SMG6: variants seen among roughly 807,000 people sequenced by gnomAD.
SMG6 encodes telomerase-binding protein EST1A.
SMG6 carries 66 observed loss-of-function variants against 142.2 expected under a neutral mutation model. That is an observed-to-expected ratio of 0.46 (90% confidence interval 0.38 to 0.57). The LOEUF (loss-of-function observed/expected upper bound fraction) is 0.57, where lower values mean the gene tolerates loss of function less well. SMG6 is among the 20% of genes least tolerant of loss of function. SMG6 has a pLI of 0.00. For synonymous variants in SMG6, 779 were observed against 702.4 expected, an observed-to-expected ratio of 1.11 and a Z score of -1.72; for missense variants, 1,793 against 1,832.0, an observed-to-expected ratio of 0.98 and a Z score of 0.39.
chr17:2,205,183 A>G (rs2072641555), intron 10 of SMG6, among the ~76,000 whole-genome samples: 1 of 151,942 alleles, frequency 6.6e-6, no homozygotes, highest in Non-Finnish European at 1.5e-5. Flanking sequence ...ATTCTCCTGC[A>G]TCAGCCTCCC....
chr17:2,230,693 G>A (rs570148142), intron 10 of SMG6, among the ~76,000 whole-genome samples: 13 of 152,280 alleles, frequency 8.5e-5, no homozygotes, highest in East Asian at 1.9e-4. Flanking sequence ...AGAGTGCCGA[G>A]AGCAGTCTGC....
chr17:2,091,273 C>T (rs753749015), intron 13 of SMG6, among the ~76,000 whole-genome samples: 1 of 152,144 alleles, frequency 6.6e-6, no homozygotes, highest in Non-Finnish European at 1.5e-5. Context: ...TATTCACATT[C>T]CTAGGGGGAG....
intron 8 of SMG6, among the ~76,000 whole-genome samples, chr17:2,277,951 G>A (rs2074698523): frequency 6.6e-6 from 1 of 152,132 alleles, no homozygotes; most frequent in South Asian, 2.1e-4. Flanking sequence ...AGAAGACTAA[G>A]GCAGGAGGAT....
intron 13 of SMG6, chr17:2,087,390 C>T: frequency 3.4e-6 from 4 of 1,187,948 alleles, no homozygotes; most frequent in Non-Finnish European, 4.3e-6. Flanking sequence ...TCTGTGGCTG[C>T]ATCCTCTGCC....
chr17:2,103,749 A>G (rs1315823544), intron 13 of SMG6, among the ~76,000 whole-genome samples: 1 of 152,048 alleles, frequency 6.6e-6, no homozygotes, highest in African/African-American at 2.4e-5. Context: ...TGGAGGGTAT[A>G]AGCCAAACCT....
Position 2,081,777 on chromosome 17 carries a change from T to TA in SMG6, c.3681+32dup, listed in dbSNP as rs1567582160. On this transcript the variant is annotated intron_variant, in intron 15 of 18. Transcript: ENST00000263073. The stretch of plus-strand genomic sequence containing the variant: ...CTCATGCCCTAGACAGCAACCCCCA[T>TA]AGTGGGAACCACGCTCCCCAGGCCG... The TA allele has an allele frequency of 1.9e-6, 3 of 1,609,826 alleles. No individual in the cohort carries two copies. In the South Asian group the frequency reaches 3.3e-5, roughly 18 times the overall value.
intron 13 of SMG6, among the ~76,000 whole-genome samples, chr17:2,111,222 G>A (rs2069306900): frequency 6.6e-6 from 1 of 152,158 alleles, no homozygotes; most frequent in African/African-American, 2.4e-5. Context: ...TTCTGAGACT[G>A]AGAATCAAAT....
chr17:2,289,964 A>G (rs1275379259), intron 6 of SMG6, among the ~76,000 whole-genome samples: 2 of 140,350 alleles, frequency 1.4e-5, no homozygotes, highest in Admixed American at 7.1e-5. Context: ...ATATATATAT[A>G]TGTAATTAAA....
intron 8 of SMG6, 104 bp from the exon 9 acceptor site, chr17:2,244,823 G>A (rs573872272): frequency 7.5e-6 from 7 of 931,478 alleles, no homozygotes; most frequent in Middle Eastern, 2.3e-4. Context: ...GGTCTAAGGG[G>A]TGGGCACTAG....
At chr17:2,233,822 T>TC (rs1597666905) in intron 10 of SMG6, among the ~76,000 whole-genome samples, 1 of 152,096 alleles carries the variant, frequency 6.6e-6, no homozygotes, top group Non-Finnish European at 1.5e-5. Flanking sequence ...AGCACTCTGC[T>TC]CGCCCCTGTC....
At chr17:2,091,952 GA>G (rs1397977922) in intron 13 of SMG6, among the ~76,000 whole-genome samples, 1 of 150,980 alleles carries the variant, frequency 6.6e-6, no homozygotes, top group Non-Finnish European at 1.5e-5. Flanking sequence ...AAAGTGCTGG[GA>G]TTACAGGCGT....
At chr17:2,301,786 A>G (rs1247372347) in intron 1 of SMG6, among the ~76,000 whole-genome samples, 7 of 152,196 alleles carry the variant, frequency 4.6e-5, no homozygotes, top group Non-Finnish European at 7.3e-5. Flanking sequence ...AGCTTGCAGT[A>G]CGCGGAGATC....
rs1885986 is a variant in SMG6, at chr17:2,299,881, C to G, written c.872G>C (p.Arg291Pro). 0.32 allele frequency: 516,700 copies of G among 1,613,972 alleles called. 89,159 individuals are homozygous for G. The highest frequency in any genetic ancestry group is 0.41 in the Admixed American group (24,492 of 59,996). The stretch of plus-strand genomic sequence containing the variant: ...GGACACAGACACTTGCTTCTTCAGT[C>G]GTGGCCTCTCCTTGGTCCTATCCTG... ...RRQDRTKERPRLKKQVSVSST... is the reference protein window; with the variant it reads ...RRQDRTKERPPLKKQVSVSST... Residue 291 changes from arginine (R) to proline (P), a missense_variant, in exon 2 of 19, where the codon CGA becomes CCA. Around this residue, in one of 3 missense-constraint regions of SMG6, gnomAD observed 1,597 missense variants for 1,584.6 expected, o/e 1.01. Transcript: ENST00000263073. The surrounding 1 kb of genome is among the most constrained non-coding windows in gnomAD (Gnocchi z 4.3).
chr17:2,185,066 C>A (rs965149162), intron 12 of SMG6, among the ~76,000 whole-genome samples: 6 of 151,168 alleles, frequency 4.0e-5, no homozygotes, highest in South Asian at 2.1e-4. Flanking sequence ...ACATGAATCC[C>A]ATACAGAGAT....
intron 8 of SMG6, among the ~76,000 whole-genome samples, chr17:2,259,622 G>A (rs1007667635): frequency 1.0e-4 from 15 of 146,438 alleles, no homozygotes; most frequent in Non-Finnish European, 1.8e-4. Flanking sequence ...GCAGTGAGCC[G>A]AGATCGTGCC....
chr17:2,163,442 A>G (rs935967676), intron 13 of SMG6, among the ~76,000 whole-genome samples: 1 of 152,152 alleles, frequency 6.6e-6, no homozygotes, highest in Non-Finnish European at 1.5e-5. Flanking sequence ...GGCCTCCCAA[A>G]GTGCTGTGAT....
intron 6 of SMG6, among the ~76,000 whole-genome samples, chr17:2,288,621 T>TAA (rs35498445): frequency 1.5e-5 from 2 of 137,722 alleles, no homozygotes; most frequent in African/African-American, 2.7e-5. Flanking sequence ...TTCTCTCAAT[T>TAA]AAAAAAAAAA....
intron 12 of SMG6, among the ~76,000 whole-genome samples, chr17:2,186,301 A>G (rs575440807): frequency 6.6e-6 from 1 of 151,746 alleles, no homozygotes; most frequent in East Asian, 1.9e-4. Context: ...CTAATAAGAG[A>G]AGATACAAAG....
At chr17:2,220,695 T>G (rs1041578828) in intron 10 of SMG6, among the ~76,000 whole-genome samples, 3 of 152,216 alleles carry the variant, frequency 2.0e-5, no homozygotes, top group African/African-American at 7.2e-5. Flanking sequence ...TAATTGCACT[T>G]TTTGCCATTA....
Sources: allele counts gnomAD v4.1 joint callset (sites outside exome capture counted in the v4.1 genomes callset), GRCh38; gene constraint gnomAD v4.1.1; regional missense constraint gnomAD v4.1.1; non-coding constraint Gnocchi (gnomAD v3.1); transcripts MANE v1.5; gene names NCBI Gene and HGNC (gene_info 2026-07-23, HGNC 2026-07-21).